TRPS1: variants seen among roughly 807,000 people sequenced by gnomAD.
TRPS1 encodes the protein transcriptional repressor GATA binding 1, also known as zinc finger transcription factor Trps1.
A neutral mutation model predicts 101.2 loss-of-function variants in TRPS1; 6 were observed. The observed-to-expected ratio is 0.06, with a 90% CI of 0.03 to 0.12. The LOEUF (loss-of-function observed/expected upper bound fraction) is 0.12. TRPS1 is among the 10% of genes least tolerant of loss of function. The probability of loss-of-function intolerance (pLI) is 1.00; values close to 1 mark genes in which losing one functional copy is unlikely to be tolerated. For synonymous variants in TRPS1, 578 were observed against 589.8 expected (o/e 0.98, Z 0.29); for missense variants, 1,363 against 1,567.0 (o/e 0.87, Z 2.20).
intron 5 of TRPS1, among the ~76,000 whole-genome samples, chr8:115,533,436 G>GTTTTTTGTTTTTT (rs1816188062): frequency 5.7e-5 from 2 of 34,988 alleles, no homozygotes; most frequent in Admixed American, 4.5e-4. Context: ...CATGTAATCT[G>GTTTTTTGTTTTTT]TTTTTTTTTT....
At chr8:115,642,384 G>A (rs1379266981) in intron 1 of TRPS1, among the ~76,000 whole-genome samples, 1 of 151,936 alleles carries the variant, frequency 6.6e-6, no homozygotes, top group African/African-American at 2.4e-5. Context: ...ATACAGAACT[G>A]TGTTTAAATG....
Position 115,438,950 on chromosome 8 carries a change from C to T in TRPS1, c.2701-20498G>A, listed in dbSNP as rs541076251. 9.2e-5 allele frequency among the ~76,000 whole-genome samples: 14 copies of T among 152,266 alleles called. 1 individual carries two copies. In the South Asian group the frequency reaches 1.5e-3, roughly 16 times the overall value. On this transcript the variant is annotated intron_variant, in intron 5 of 6. Transcript: ENST00000395715. ...TAAAGCACCTGAGGATCATAGATGA[C>T]GAGGACCTTGCTGGCTTCAGTCATG...
rs1412789162 is a variant in TRPS1 at position 115,587,239 on chromosome 8, T to C, written c.2462A>G (p.Gln821Arg). 6.2e-7 allele frequency: 1 copy of C among 1,614,064 alleles called. No individual in the cohort carries two copies. The highest frequency in any genetic ancestry group is 8.5e-7 in the Non-Finnish European group (1 of 1,180,032). Reference protein sequence around the residue: ...DILRGSPSYTQASLGLLTPVS... With the variant: ...DILRGSPSYTRASLGLLTPVS... ...AGGCGTCAGCAGCCCCAGGCTTGCTTGGGTGTATGACGGACTCCCCCGCAG... is the reference window on the plus strand; with the variant it reads ...AGGCGTCAGCAGCCCCAGGCTTGCTCGGGTGTATGACGGACTCCCCCGCAG... Residue 821 changes from glutamine (Q) to arginine (R), a missense_variant, in exon 5 of 7, where the codon CAA becomes CGA. Physicochemically the swap from Gln to Arg is conservative, Grantham distance 43. Around this residue, in one of 5 missense-constraint regions of TRPS1, gnomAD observed 1,020 missense variants for 1,073.0 expected, o/e 0.95. Transcript: ENST00000395715.
intron 3 of TRPS1, among the ~76,000 whole-genome samples, chr8:115,611,009 C>T (rs910080409): frequency 6.0e-5 from 9 of 151,026 alleles, no homozygotes; most frequent in Admixed American, 2.0e-4. Context: ...CCCAGCTACT[C>T]GGGAGGCTGA....
At position 115,623,671 on chromosome 8, in the gene TRPS1, C is replaced by A; in HGVS notation, c.-34G>T. Reference sequence around the variant, plus strand: ...AGAGTGCTTTTTACAATTATTAATTCTATTAGTCAACTAGCAGGAGGCTAA... The same window carrying A: ...AGAGTGCTTTTTACAATTATTAATTATATTAGTCAACTAGCAGGAGGCTAA... On this transcript the variant is annotated 5_prime_UTR_variant, in exon 2 of 7. Transcript: ENST00000395715. The A allele has an allele frequency of 6.2e-7, 1 of 1,608,050 alleles. No individual in the cohort carries two copies. Among genetic ancestry groups the A allele is most frequent in the South Asian group, 1.1e-5 (1 of 90,476 alleles).
intron 5 of TRPS1, among the ~76,000 whole-genome samples, chr8:115,508,478 T>C (rs1245785921): frequency 1.3e-5 from 2 of 152,086 alleles, no homozygotes; most frequent in African/African-American, 2.4e-5. Context: ...ATTTCTCTAA[T>C]GCTCCTCTAA....
intron 5 of TRPS1, among the ~76,000 whole-genome samples, chr8:115,569,676 A>G (rs1817154322): frequency 6.6e-6 from 1 of 152,066 alleles, no homozygotes; most frequent in African/African-American, 2.4e-5. Context: ...ACTTGGCCAT[A>G]AAATGATATA....
At chr8:115,620,131 T>C in intron 2 of TRPS1, 71 bp from the exon 3 acceptor site, 1 of 1,481,626 alleles carries the variant, frequency 6.7e-7, no homozygotes, top group Admixed American at 1.9e-5. Context: ...GAATCTGGAA[T>C]ATTTTACTTA....
chr8:115,613,924 C>G (rs1818223591), intron 3 of TRPS1, among the ~76,000 whole-genome samples: 1 of 152,160 alleles, frequency 6.6e-6, no homozygotes, highest in Admixed American at 6.5e-5. Flanking sequence ...TAAAATTAAA[C>G]AAGGGTTTGT....
intron 5 of TRPS1, among the ~76,000 whole-genome samples, chr8:115,431,468 A>T (rs991013429): frequency 6.6e-6 from 1 of 152,014 alleles, no homozygotes; most frequent in Non-Finnish European, 1.5e-5. Flanking sequence ...ATATGAATAC[A>T]TCTCTCCTCT....
intron 1 of TRPS1, among the ~76,000 whole-genome samples, chr8:115,642,322 C>CAT (rs869172829): frequency 7.7e-6 from 1 of 129,228 alleles, no homozygotes; most frequent in Non-Finnish European, 1.7e-5. Context: ...ATGAATCCAA[C>CAT]AGAAACACAC....
chr8:115,425,582 C>T (rs142525963), intron 5 of TRPS1, among the ~76,000 whole-genome samples: 2 of 152,142 alleles, frequency 1.3e-5, no homozygotes, highest in African/African-American at 2.4e-5. Context: ...GGGAGCTACC[C>T]GATATATCAG....
intron 5 of TRPS1, among the ~76,000 whole-genome samples, chr8:115,542,194 T>C (rs1816469016): frequency 6.6e-6 from 1 of 152,188 alleles, no homozygotes; most frequent in Admixed American, 6.5e-5. Flanking sequence ...TTTCAAAGAA[T>C]GGACTGTGTA....
At chr8:115,628,931 A>G (rs758765249) in intron 1 of TRPS1, among the ~76,000 whole-genome samples, 10 of 151,908 alleles carry the variant, frequency 6.6e-5, no homozygotes, top group Non-Finnish European at 1.3e-4. Flanking sequence ...AATGTACATT[A>G]GCGTTTACAG....
intron 6 of TRPS1, among the ~76,000 whole-genome samples, chr8:115,417,956 C>G (rs371275124): frequency 6.6e-6 from 1 of 152,058 alleles, no homozygotes; most frequent in Admixed American, 6.6e-5. Context: ...TGAACATGAC[C>G]GAGTCCTTTT....
At position 115,604,004 on chromosome 8, in the gene TRPS1, C is replaced by T. The variant is rs573826589; in HGVS notation, c.1965G>A (p.Ser655=). 198 of 1,613,860 alleles carry T rather than the reference C, an allele frequency of 1.2e-4. No homozygotes were observed. The highest frequency in any genetic ancestry group is 3.6e-4 in the East Asian group (16 of 44,856). ...GGTGATTTGCTTCTTGTTTGACATC[C>T]GATGCTTGGGACTCATGCACACTTT... The part of the protein sequence containing the change: ...HYESVHESQA[S]DVKQEANHLQ... Residue 655 remains serine, a synonymous_variant, in exon 4 of 7, where the codon TCG becomes TCA. Coordinates refer to ENST00000395715, the MANE Select transcript of TRPS1 (RefSeq NM_014112.5). The surrounding 1 kb of genome is among the most constrained non-coding windows in gnomAD (Gnocchi z 4.1).
intron 1 of TRPS1, among the ~76,000 whole-genome samples, chr8:115,634,696 A>G (rs1818726544): frequency 6.6e-6 from 1 of 152,182 alleles, no homozygotes. Flanking sequence ...ACTTCGTAAA[A>G]GAGTTAACAT....
chr8:115,583,919 A>C (rs1026304903), intron 5 of TRPS1, among the ~76,000 whole-genome samples: 3 of 152,082 alleles, frequency 2.0e-5, no homozygotes, highest in Non-Finnish European at 4.4e-5. Context: ...AAAAGGAGAA[A>C]ACCACTAATG....
Position 115,414,684 on chromosome 8 carries a change from G to C in TRPS1, c.3224C>G (p.Ser1075Cys), listed in dbSNP as rs190186284. The change falls in exon 7 of 7, where the codon TCT (serine) becomes TGT (cysteine). Residue 1075 changes from serine to cysteine, a missense_variant. This residue lies in a region of TRPS1 where 307 missense variants were observed against 392.4 expected (regional missense o/e 0.78). Transcript: ENST00000395715. This position sits in a 1 kb window ranked among gnomAD's most constrained non-coding sequence, Gnocchi z 4.8. ...CTTTTCTATAGGACTGCCTCTCTCA[G>C]AACTTCCTTTCCCTTCAGATACGGA... ...SSSVSEGKGS[S>C]ERGSPIEKYM... 64 of 1,614,060 alleles carry C rather than the reference G, an allele frequency of 4.0e-5. No individual in the cohort carries two copies. The Admixed American group carries it at 9.7e-4, about 24-fold the overall frequency.
Sources: gnomAD v4.1 joint callset for allele counts (sites outside exome capture counted in the v4.1 genomes callset) on GRCh38, gnomAD v4.1.1 for gene constraint, gnomAD v4.1.1 regional missense constraint, Gnocchi (gnomAD v3.1) non-coding constraint, MANE v1.5 for transcripts, NCBI Gene and HGNC (gene_info 2026-07-23, HGNC 2026-07-21) for gene names.